The following SLC16A7 variants were observed in gnomAD, a reference collection of about 807,000 sequenced individuals.
SLC16A7 encodes the protein solute carrier family 16 member 7.
Under a neutral mutation model 34.9 loss-of-function variants are expected in SLC16A7, and 33 were observed. The observed-to-expected ratio is 0.94, with a 90% confidence interval of 0.72 to 1.26. SLC16A7 has a LOEUF of 1.26. Ranked by LOEUF, SLC16A7 falls within the 50% of genes most tolerant of loss-of-function variation. The pLI is 0.00. For synonymous variants in SLC16A7, 201 were observed against 206.6 expected, an observed-to-expected ratio of 0.97 and a Z score of 0.23; for missense variants, 573 against 578.1, an observed-to-expected ratio of 0.99 and a Z score of 0.09.
chr12:59,712,797 G>A (rs955927129), intron 3 of SLC16A7, among the ~76,000 whole-genome samples: 1 of 152,076 alleles, frequency 6.6e-6, no homozygotes, highest in South Asian at 2.1e-4. Flanking sequence ...ATGTGATTTG[G>A]TCAGCATCAT....
intron 2 of SLC16A7, among the ~76,000 whole-genome samples, chr12:59,702,835 C>A: frequency 6.6e-6 from 1 of 151,980 alleles, no homozygotes; most frequent in Non-Finnish European, 1.5e-5. Flanking sequence ...CATCACTCGG[C>A]AGTCTTATTT....
intron 1 of SLC16A7, among the ~76,000 whole-genome samples, chr12:59,602,437 C>T (rs1027157687): frequency 1.1e-4 from 16 of 147,060 alleles, no homozygotes; most frequent in Admixed American, 1.4e-4. Flanking sequence ...CCTTTCACCT[C>T]GTATTCAATA....
rs77359259 is a variant in SLC16A7, at chr12:59,717,682, A to T, written c.217+12664A>T. On this transcript the variant is annotated intron_variant, in intron 3 of 5. Transcript: ENST00000547379. ...TGAGGCAATTCATGCATGCTTCTGA[A>T]ACTGTTTCCCTAACAAAATAGTCTC... is the stretch of plus-strand genomic sequence containing the variant. 6.5e-3 allele frequency among the ~76,000 whole-genome samples: 985 copies of T among 152,286 alleles called. 7 individuals carry two copies. The highest frequency in any genetic ancestry group is 9.7e-3 in the Non-Finnish European group (661 of 68,004).
chr12:59,609,762 C>T (rs1025584448), intron 1 of SLC16A7, among the ~76,000 whole-genome samples: 12 of 152,066 alleles, frequency 7.9e-5, no homozygotes, highest in Non-Finnish European at 1.6e-4. Context: ...CTCAGTTATG[C>T]ATTCAGATAA....
At chr12:59,753,772 G>A (rs566390278) in intron 3 of SLC16A7, among the ~76,000 whole-genome samples, 45 of 152,220 alleles carry the variant, frequency 3.0e-4, no homozygotes, top group African/African-American at 1.0e-3. Flanking sequence ...GACATCTGCA[G>A]AACTCTCCAC....
intron 3 of SLC16A7, among the ~76,000 whole-genome samples, chr12:59,748,051 A>G (rs1879087362): frequency 6.6e-6 from 1 of 152,044 alleles, no homozygotes; most frequent in Non-Finnish European, 1.5e-5. Flanking sequence ...AAAAATACAA[A>G]AATTAGCTGG....
intron 1 of SLC16A7, among the ~76,000 whole-genome samples, chr12:59,625,464 C>G (rs1879885299): frequency 6.6e-6 from 1 of 151,810 alleles, no homozygotes; most frequent in African/African-American, 2.4e-5. Flanking sequence ...TATAGCCAGA[C>G]TGGCTGGGTT....
At chr12:59,680,402 C>G (rs1419093888) in intron 2 of SLC16A7, among the ~76,000 whole-genome samples, 1 of 152,126 alleles carries the variant, frequency 6.6e-6, no homozygotes, top group Non-Finnish European at 1.5e-5. Context: ...TTCTTTTAGA[C>G]TGAAAATGTG....
rs367934527 is a variant in SLC16A7, at chr12:59,711,692, G to T, written c.217+6674G>T. Among the ~76,000 whole-genome samples, 48 of 152,126 alleles carry T rather than the reference G, an allele frequency of 3.2e-4. 2 individuals carry two copies. The South Asian group carries it at 3.3e-3, about 11-fold the overall frequency. ...CACCACCATGCCCAGCTAATTTCTG[G>T]TTTTTTGTACAGACGAGGTTTTACT... On this transcript the variant is annotated intron_variant, in intron 3 of 5. Coordinates refer to ENST00000547379, the MANE Select transcript of SLC16A7 (RefSeq NM_001270623.2).
At chr12:59,731,789 T>A (rs1876983371) in intron 3 of SLC16A7, among the ~76,000 whole-genome samples, 1 of 152,168 alleles carries the variant, frequency 6.6e-6, no homozygotes, top group African/African-American at 2.4e-5. Context: ...AAATATTGTT[T>A]CATACCATCA....
Position 59,781,975 on chromosome 12 carries a change from G to T in SLC16A7, c.*2296G>T, listed in dbSNP as rs1209913698. 1.3e-5 allele frequency: 2 copies of T among 152,158 alleles called. No individual in the cohort carries two copies. Among genetic ancestry groups the T allele is most frequent in the African/African-American group, 2.4e-5 (1 of 41,428 alleles). The allele number at this position is 152,158 out of a possible 1,614,324, so 9.4% of individuals were successfully genotyped here. A position where few individuals can be genotyped will look rare whatever the true frequency, so the allele number is the denominator to read the frequency against. On this transcript the variant is annotated 3_prime_UTR_variant, in exon 6 of 6. Transcript: ENST00000547379. ...GTGCATTTCAGTGGCCTTCTCCAGGGAGGAGGTTTATTTACTTACTGATGA... is the reference window on the plus strand; with the variant it reads ...GTGCATTTCAGTGGCCTTCTCCAGGTAGGAGGTTTATTTACTTACTGATGA...
At chr12:59,762,026 AT>A (rs1298572149) in intron 3 of SLC16A7, among the ~76,000 whole-genome samples, 1 of 152,064 alleles carries the variant, frequency 6.6e-6, no homozygotes, top group Admixed American at 6.6e-5. Context: ...TTGGGCCCTC[AT>A]CAGGCTACCA....
chr12:59,652,960 T>C (rs557093821), intron 1 of SLC16A7, among the ~76,000 whole-genome samples: 3 of 151,974 alleles, frequency 2.0e-5, no homozygotes, highest in Non-Finnish European at 4.4e-5. Flanking sequence ...ATAGAAAACA[T>C]TTTACTTCAT....
At chr12:59,672,523 G>T (rs1020939661) in intron 2 of SLC16A7, among the ~76,000 whole-genome samples, 1 of 151,680 alleles carries the variant, frequency 6.6e-6, no homozygotes, top group Non-Finnish European at 1.5e-5. Context: ...ATTCCAGCAG[G>T]CTCATTGTTT....
rs1883802166 is a variant in SLC16A7 at position 59,788,895 on chromosome 12, T to C, written c.*9216T>C. ...TTTAAAGTATATTTTGTTCAAATAT[T>C]CCTAATTTGTTTTTCAGCACACTTG... On this transcript the variant is annotated 3_prime_UTR_variant, in exon 6 of 6. Transcript: ENST00000547379. 6.6e-6 allele frequency: 1 copy of C among 152,094 alleles called. No individual in the cohort carries two copies. The highest frequency in any genetic ancestry group is 2.4e-5 in the African/African-American group (1 of 41,438). 9.4% of individuals were successfully genotyped at this position (152,094 alleles called of 1,614,324 possible).
chr12:59,684,924 A>G (rs1871036983), intron 2 of SLC16A7, among the ~76,000 whole-genome samples: 1 of 152,080 alleles, frequency 6.6e-6, no homozygotes, highest in South Asian at 2.1e-4. Context: ...TAAAGACAAA[A>G]TGTTCCTAAT....
At chr12:59,757,379 G>T (rs1003094227) in intron 3 of SLC16A7, among the ~76,000 whole-genome samples, 1 of 152,118 alleles carries the variant, frequency 6.6e-6, no homozygotes, top group Admixed American at 6.5e-5. Flanking sequence ...TTCTGCACAT[G>T]TATCCCAGAA....
Position 59,779,913 on chromosome 12 carries a change from C to A in SLC16A7, c.*234C>A. The A allele has an allele frequency of 2.6e-6, 1 of 382,440 alleles. No individual in the cohort carries two copies. The highest frequency in any genetic ancestry group is 4.7e-6 in the Non-Finnish European group (1 of 211,830). 23.7% of individuals were successfully genotyped at this position (382,440 alleles called of 1,614,324 possible). A position where few individuals can be genotyped will look rare whatever the true frequency, so the allele number is the denominator to read the frequency against. Reference sequence around the variant, plus strand: ...AGAATCCATGCTATAGGTTTATTTCCATACCTGACTCTGGGTGTGGTGGTT... The same window carrying A: ...AGAATCCATGCTATAGGTTTATTTCAATACCTGACTCTGGGTGTGGTGGTT... On this transcript the variant is annotated 3_prime_UTR_variant, in exon 6 of 6. Coordinates refer to ENST00000547379, the MANE Select transcript of SLC16A7 (RefSeq NM_001270623.2).
chr12:59,699,109 T>C (rs548380214), intron 2 of SLC16A7, among the ~76,000 whole-genome samples: 1 of 151,756 alleles, frequency 6.6e-6, no homozygotes, highest in Non-Finnish European at 1.5e-5. Flanking sequence ...TTTTTATTTT[T>C]AAAATTTTAA....
Sources: allele counts gnomAD v4.1 joint callset (sites outside exome capture counted in the v4.1 genomes callset), GRCh38; gene constraint gnomAD v4.1.1; transcripts MANE v1.5; gene names NCBI Gene and HGNC (gene_info 2026-07-23, HGNC 2026-07-21).